The following ADGRV1 variants were observed in gnomAD, a reference collection of about 807,000 sequenced individuals.
ADGRV1 encodes the protein G-protein coupled receptor 98.
ADGRV1 carries 359 observed loss-of-function variants against 596.2 expected under a neutral mutation model. That is an observed-to-expected ratio of 0.60 (90% CI 0.55 to 0.66). ADGRV1 has a LOEUF of 0.66. ADGRV1 is among the 30% of genes least tolerant of loss of function. The pLI, the probability that ADGRV1 is intolerant of heterozygous loss-of-function variation, is 0.00. For missense variants in ADGRV1, 7,274 were observed against 7,575.6 expected (o/e 0.96, Z 1.48); for synonymous variants, 2,681 against 2,679.2 (o/e 1.00, Z -0.02).
intron 64 of ADGRV1, 120 bp from the exon 65 acceptor site, chr5:90,781,310 G>A (rs1308420615): frequency 2.2e-5 from 17 of 756,012 alleles, no homozygotes; most frequent in Middle Eastern, 3.6e-4. Flanking sequence ...TAAAAGTATT[G>A]CAGTACTTTA....
intron 84 of ADGRV1, among the ~76,000 whole-genome samples, chr5:90,979,476 T>C (rs769964074): frequency 8.5e-5 from 13 of 152,130 alleles, no homozygotes; most frequent in Non-Finnish European, 1.9e-4. Flanking sequence ...AGCCTATTTG[T>C]GTCAATTTAT....
chr5:91,073,861 C>A lies in ADGRV1; in HGVS notation c.18310+1257C>A, dbSNP rs146183539. Among the ~76,000 whole-genome samples, 524 of 152,210 alleles carry A rather than the reference C, an allele frequency of 3.4e-3. 1 individual carries two copies. Among genetic ancestry groups the A allele is most frequent in the African/African-American group, 0.012 (505 of 41,550 alleles). On this transcript the variant is annotated intron_variant, in intron 86 of 89. Transcript: ENST00000405460. ...TACATTCATGTGCCACCATGCCTGG[C>A]CAACTTTTGTATTTTCAGTGGAGAT...
At chr5:90,976,294 G>GTGTA (rs1554185096) in intron 84 of ADGRV1, among the ~76,000 whole-genome samples, 2 of 104,570 alleles carry the variant, frequency 1.9e-5, no homozygotes, top group African/African-American at 3.7e-5. Flanking sequence ...GTATGTGTGT[G>GTGTA]TATATGTGTG....
rs1365193726 is a variant in ADGRV1, at chr5:90,965,447, C to T, written c.17889C>T (p.Pro5963=). 1.9e-6 allele frequency: 3 copies of T among 1,613,490 alleles called. No individual in the cohort carries two copies. The highest frequency in any genetic ancestry group is 2.7e-5 in the African/African-American group (2 of 74,922). Residue 5963 remains proline (P), a synonymous_variant, in exon 84 of 90, where the codon CCC becomes CCT. Transcript: ENST00000405460. ...TTCTGGCGTCTGCATACGCAAGTCC[C>T]CAACTCGCTGAGGAGAGCTGTTCAG... The part of the protein sequence containing the change: ...ILFLASAYAS[P]QLAEESCSAM...
chr5:90,914,297 A>G (rs1773151256), intron 83 of ADGRV1, among the ~76,000 whole-genome samples: 1 of 152,186 alleles, frequency 6.6e-6, no homozygotes, highest in South Asian at 2.1e-4. Context: ...AGGGATACTC[A>G]ACCTGTAACA....
intron 85 of ADGRV1, among the ~76,000 whole-genome samples, chr5:90,988,764 A>T (rs1470397880): frequency 1.3e-5 from 2 of 150,206 alleles, no homozygotes; most frequent in African/African-American, 2.4e-5. Flanking sequence ...TAAATTAGGT[A>T]TATCTCCTAA....
intron 83 of ADGRV1, among the ~76,000 whole-genome samples, chr5:90,916,655 C>T (rs1455774516): frequency 7.2e-5 from 4 of 55,346 alleles, no homozygotes; most frequent in East Asian, 5.9e-4. Flanking sequence ...TTTTTTGAGA[C>T]GGAGTCTCGC....
At chr5:90,928,303 T>G (rs374934214) in intron 83 of ADGRV1, among the ~76,000 whole-genome samples, 90 of 151,948 alleles carry the variant, frequency 5.9e-4, no homozygotes, top group African/African-American at 1.1e-3. Flanking sequence ...TCACATAGTC[T>G]CATATTTCTT....
Position 91,078,975 on chromosome 5 carries a change from T to G in ADGRV1, c.18310+6371T>G, listed in dbSNP as rs548441481. 2.0e-5 allele frequency among the ~76,000 whole-genome samples: 3 copies of G among 152,344 alleles called. No individual in the cohort carries two copies. The South Asian group carries it at 6.2e-4, about 32-fold the overall frequency. ...ATGTCATTGTCCTTTTAAATGTTAC[T>G]GCTTGCAGAAACCTTCAGGATTTAT... On this transcript the variant is annotated intron_variant, in intron 86 of 89. Transcript: ENST00000405460.
At chr5:90,930,383 T>A (rs1341806914) in intron 83 of ADGRV1, among the ~76,000 whole-genome samples, 1 of 152,164 alleles carries the variant, frequency 6.6e-6, no homozygotes, top group Non-Finnish European at 1.5e-5. Flanking sequence ...AAAATACGTA[T>A]TTTTATTATA....
intron 10 of ADGRV1, among the ~76,000 whole-genome samples, chr5:90,636,844 A>T (rs1179611955): frequency 1.3e-5 from 2 of 152,070 alleles, no homozygotes; most frequent in African/African-American, 4.8e-5. Flanking sequence ...ATAAAACAGG[A>T]TACTCCTCTT....
At chr5:90,826,120 T>C (rs1675037137) in intron 76 of ADGRV1, among the ~76,000 whole-genome samples, 2 of 152,216 alleles carry the variant, frequency 1.3e-5, no homozygotes, top group Non-Finnish European at 2.9e-5. Context: ...TATGAACTTT[T>C]GATATACATT....
intron 42 of ADGRV1, among the ~76,000 whole-genome samples, chr5:90,713,905 GA>G (rs1315072741): frequency 6.6e-6 from 1 of 152,130 alleles, no homozygotes; most frequent in Non-Finnish European, 1.5e-5. Context: ...AAATTCCTCA[GA>G]GCAAAAAGTG....
intron 52 of ADGRV1, among the ~76,000 whole-genome samples, chr5:90,748,181 T>C (rs1298988297): frequency 6.6e-6 from 1 of 152,148 alleles, no homozygotes; most frequent in Admixed American, 6.5e-5. Flanking sequence ...TAAAGTCTTG[T>C]GTCTGTTGCA....
intron 45 of ADGRV1, among the ~76,000 whole-genome samples, chr5:90,721,596 A>G (rs1269010950): frequency 5.0e-5 from 7 of 139,008 alleles, no homozygotes; most frequent in Admixed American, 4.8e-4. Context: ...TAAAATATGT[A>G]TTTAGTGCCT....
chr5:90,980,750 A>G (rs1412061438), intron 84 of ADGRV1, among the ~76,000 whole-genome samples: 1 of 152,214 alleles, frequency 6.6e-6, no homozygotes, highest in Non-Finnish European at 1.5e-5. Context: ...ATAAACGCAT[A>G]GTCAATCAGG....
chr5:90,824,808 A>T (rs1440199125), intron 76 of ADGRV1, among the ~76,000 whole-genome samples: 2 of 152,204 alleles, frequency 1.3e-5, no homozygotes, highest in South Asian at 2.1e-4. Flanking sequence ...TTTCATTTAA[A>T]GTTGCTGTTT....
intron 83 of ADGRV1, among the ~76,000 whole-genome samples, chr5:90,943,594 C>G (rs1445435829): frequency 6.6e-6 from 1 of 152,108 alleles, no homozygotes; most frequent in African/African-American, 2.4e-5. Context: ...GCTAATGTAA[C>G]AAATTACCGT....
rs200519702 is a variant in ADGRV1 at position 90,791,082 on chromosome 5, G to C, written c.14253G>C (p.Trp4751Cys). The C allele has an allele frequency of 2.2e-5, 36 of 1,613,914 alleles. No individual in the cohort carries two copies. The African/African-American group carries it at 4.5e-4, about 20-fold the overall frequency. Reference sequence around the variant, plus strand: ...TGGATCTGGAGAAGAGTATCACATGGTTCTCTGTTTATGCAAATGATGACC... The same window carrying C: ...TGGATCTGGAGAAGAGTATCACATGCTTCTCTGTTTATGCAAATGATGACC... ...AELDLEKSIT[W>C]FSVYANDDPH... The change falls in exon 70 of 90, where the codon TGG becomes TGC. Residue 4751 changes from tryptophan to cysteine, a missense_variant. By Grantham distance (215) the Trp-to-Cys change is radical (BLOSUM62 -2). Coordinates refer to ENST00000405460, the MANE Select transcript of ADGRV1 (RefSeq NM_032119.4).
Sources: allele counts gnomAD v4.1 joint callset (sites outside exome capture counted in the v4.1 genomes callset), GRCh38; gene constraint gnomAD v4.1.1; transcripts MANE v1.5; gene names NCBI Gene and HGNC (gene_info 2026-07-23, HGNC 2026-07-21).